The following FNTA variants were observed in gnomAD, a reference collection of about 807,000 sequenced individuals.
The protein encoded by FNTA is protein farnesyltransferase/geranylgeranyltransferase type-1 subunit alpha.
In FNTA, 27 loss-of-function variants were observed where a neutral mutation model predicts 55.2. That is an observed-to-expected ratio of 0.49 (90% CI 0.36 to 0.67). FNTA has a LOEUF of 0.67. Ranked by LOEUF, FNTA falls within the 30% of genes least tolerant of loss-of-function variation. The pLI is 0.00. For synonymous variants in FNTA, 176 were observed against 170.7 expected (o/e 1.03, Z -0.24); for missense variants, 422 against 464.7 (o/e 0.91, Z 0.85).
At chr8:43,068,503 T>G (rs1398735554) in intron 3 of FNTA, among the ~76,000 whole-genome samples, 3 of 152,216 alleles carry the variant, frequency 2.0e-5, no homozygotes, top group African/African-American at 7.2e-5. Flanking sequence ...TAGAAGTATT[T>G]TGTTAATGTT....
At chr8:43,084,059 A>AC (rs1202408129) in intron 7 of FNTA, among the ~76,000 whole-genome samples, 1 of 151,026 alleles carries the variant, frequency 6.6e-6, no homozygotes, top group Non-Finnish European at 1.5e-5. Flanking sequence ...GCGACAAGAG[A>AC]CCCTGTCTCA....
chr8:43,069,656 T>C lies in FNTA; in HGVS notation c.503T>C (p.Val168Ala). ...GAGGAGCAGCCCAAAAACTATCAAG[T>C]TTGGTAAGTTTGGAGTCTAGCTGTG... Reference protein sequence around the residue: ...IIEEQPKNYQVWHHRRVLVEW... With the variant: ...IIEEQPKNYQAWHHRRVLVEW... The change falls in exon 4 of 9, where the codon GTT becomes GCT. Residue 168 changes from valine (V) to alanine (A), a missense_variant. Physicochemically the swap from Val to Ala is moderately conservative, Grantham distance 64. Around this residue, in one of 2 missense-constraint regions of FNTA, gnomAD observed 262 missense variants for 343.1 expected, o/e 0.76. Transcript: ENST00000302279. The C allele has an allele frequency of 6.2e-7, 1 of 1,601,484 alleles. No individual in the cohort carries two copies. The highest frequency in any genetic ancestry group is 8.6e-7 in the Non-Finnish European group (1 of 1,169,472).
intron 6 of FNTA, chr8:43,081,126 T>A (rs950180931): frequency 1.3e-5 from 2 of 152,136 alleles, no homozygotes. Flanking sequence ...TTCTTTTTAT[T>A]ATAAAAGTAA....
At chr8:43,057,615 A>G (rs1408221153) in intron 1 of FNTA, among the ~76,000 whole-genome samples, 2 of 152,180 alleles carry the variant, frequency 1.3e-5, no homozygotes, top group East Asian at 3.9e-4. Flanking sequence ...TGCGCATTGG[A>G]TGCCACAGAA....
intron 2 of FNTA, chr8:43,063,435 G>A (rs1810582575): frequency 1.0e-5 from 4 of 390,932 alleles, no homozygotes; most frequent in African/African-American, 4.3e-5. Context: ...TCTAGAGCTG[G>A]AATTACTGGG....
intron 1 of FNTA, 129 bp downstream of exon 1, chr8:43,056,675 A>G (rs561379127): frequency 2.0e-6 from 1 of 508,582 alleles, no homozygotes; most frequent in Admixed American, 4.9e-5. Flanking sequence ...GGGCCGGTGC[A>G]TGGCGCTGGG....
At position 43,056,405 on chromosome 8, in the gene FNTA, C is replaced by T. The variant is rs775531295; in HGVS notation, c.59C>T (p.Ala20Val). The change falls in exon 1 of 9, where the codon GCG (alanine) becomes GTG (valine). Residue 20 changes from alanine (A) to valine (V), a missense_variant. Ala to Val is a moderately conservative substitution (Grantham distance 64, BLOSUM62 0). Around this residue, in one of 2 missense-constraint regions of FNTA, gnomAD observed 160 missense variants for 121.6 expected, o/e 1.32. Coordinates refer to ENST00000302279, the MANE Select transcript of FNTA (RefSeq NM_002027.3). Reference protein sequence around the residue: ...AAQGGEPGQPAQPPPQPHPPP... With the variant: ...AAQGGEPGQPVQPPPQPHPPP... ...CAAGGGGGCGAGCCCGGGCAGCCGG[C>T]GCAACCCCCGCCCCAGCCGCACCCA... 2.0e-6 allele frequency: 3 copies of T among 1,514,606 alleles called. No individual in the cohort carries two copies. The highest frequency in any genetic ancestry group is 2.6e-6 in the Non-Finnish European group (3 of 1,134,492). The allele number at this position is 1,514,606 out of a possible 1,614,324, so 93.8% of individuals were successfully genotyped here. A position where few individuals can be genotyped will look rare whatever the true frequency, so the allele number is the denominator to read the frequency against.
intron 5 of FNTA, among the ~76,000 whole-genome samples, chr8:43,076,055 T>G (rs1214079114): frequency 2.0e-5 from 3 of 151,784 alleles, no homozygotes. Flanking sequence ...ATTGTTTTTA[T>G]TTTTTGGAGA....
chr8:43,079,805 A>T (rs1367700957), intron 6 of FNTA: 1 of 152,482 alleles, frequency 6.6e-6, no homozygotes, highest in Non-Finnish European at 1.5e-5. Context: ...GCTATTAGGA[A>T]TATTCGTGAT....
intron 6 of FNTA, chr8:43,081,095 A>G (rs754020478): frequency 1.3e-5 from 2 of 152,194 alleles, no homozygotes; most frequent in East Asian, 1.9e-4. Context: ...ATAGATGTAC[A>G]TAATTATTTT....
rs79783100 is a variant in FNTA at position 43,084,190 on chromosome 8, A to T, written c.846-520A>T. Among the ~76,000 whole-genome samples the T allele has an allele frequency of 1.4e-3, 204 of 149,108 alleles. 7 individuals carry two copies. The East Asian group carries it at 0.037, about 27-fold the overall frequency. On this transcript the variant is annotated intron_variant, in intron 7 of 8. Coordinates refer to ENST00000302279, the MANE Select transcript of FNTA (RefSeq NM_002027.3). ...ACACTTTTAAACTTCATTTTTAAAA[A>T]CTTTTTCTACTTAGCTTGTAATTAT... is the stretch of plus-strand genomic sequence containing the variant.
At position 43,056,526 on chromosome 8, in the gene FNTA, G is replaced by C; in HGVS notation, c.180G>C (p.Ser60=). 1 of 1,555,750 alleles carries C rather than the reference G, an allele frequency of 6.4e-7. No individual in the cohort carries two copies. Among genetic ancestry groups the C allele is most frequent in the Non-Finnish European group, 8.7e-7 (1 of 1,154,558 alleles). Reference sequence around the variant, plus strand: ...ACGACGGGTTTGTGAGCCTGGACTCGCCCTCCTATGTCCTGTACAGGTAAC... The same window carrying C: ...ACGACGGGTTTGTGAGCCTGGACTCCCCCTCCTATGTCCTGTACAGGTAAC... ...PMDDGFVSLD[S]PSYVLYRDRA... The change falls in exon 1 of 9, where the codon TCG becomes TCC. Residue 60 remains serine, a synonymous_variant. Coordinates refer to ENST00000302279, the MANE Select transcript of FNTA (RefSeq NM_002027.3).
intron 6 of FNTA, chr8:43,078,646 C>T (rs1810961732): frequency 6.6e-6 from 1 of 152,252 alleles, no homozygotes; most frequent in African/African-American, 2.4e-5. Flanking sequence ...TCAGGCCTCC[C>T]TATTCCCTGA....
At chr8:43,071,816 T>C (rs1308409784) in intron 4 of FNTA, among the ~76,000 whole-genome samples, 1 of 152,166 alleles carries the variant, frequency 6.6e-6, no homozygotes, top group Non-Finnish European at 1.5e-5. Flanking sequence ...AAGCTGCTTG[T>C]TTGATGACAC....
At position 43,064,177 on chromosome 8, in the gene FNTA, G is replaced by C; in HGVS notation, c.363G>C (p.Arg121=). ...ERSERAFKLT[R]DAIELNAANY... is the part of the protein sequence containing the mutation. ...GTGAACGAGCTTTTAAGCTAACCCG[G>C]GATGCTATTGAGTTAAATGCAGCCA... is the stretch of plus-strand genomic sequence containing the variant. Residue 121 remains arginine (R), a synonymous_variant, in exon 3 of 9, where the codon CGG becomes CGC. Coordinates refer to ENST00000302279, the MANE Select transcript of FNTA (RefSeq NM_002027.3). The C allele has an allele frequency of 1.2e-6, 2 of 1,613,752 alleles. No homozygotes were observed. Among genetic ancestry groups the C allele is most frequent in the Non-Finnish European group, 1.7e-6 (2 of 1,179,690 alleles).
rs575378054 is a variant in FNTA, at chr8:43,072,730, T to A, written c.633+423T>A. The stretch of plus-strand genomic sequence containing the variant: ...CAGCAGAGTGAGACCCTATCTATTT[T>A]AAAAAAAAACAAACATTATTAACAT... On this transcript the variant is annotated intron_variant, in intron 5 of 8. Transcript: ENST00000302279. Among the ~76,000 whole-genome samples, 69 of 151,124 alleles carry A rather than the reference T, an allele frequency of 4.6e-4. No individual in the cohort carries two copies. The South Asian group carries it at 4.6e-3, about 10-fold the overall frequency.
chr8:43,062,179 G>GTC (rs1370323322), intron 2 of FNTA, among the ~76,000 whole-genome samples: 1 of 145,204 alleles, frequency 6.9e-6, no homozygotes, highest in African/African-American at 2.6e-5. Flanking sequence ...TTTTATGTGT[G>GTC]TGTGTGTGTG....
chr8:43,084,509 C>T, intron 7 of FNTA: 1 of 454,388 alleles, frequency 2.2e-6, no homozygotes, highest in Non-Finnish European at 3.9e-6. Flanking sequence ...TGAGCCACTG[C>T]ACCTGGCCAG....
rs780629671 is a variant in FNTA, at chr8:43,077,575, A to G, written c.782+211A>G. 3 of 358,708 alleles carry G rather than the reference A, an allele frequency of 8.4e-6. No homozygotes were observed. In the East Asian group the frequency reaches 1.2e-4, roughly 15 times the overall value. 22.2% of individuals were successfully genotyped at this position (358,708 alleles called of 1,614,324 possible). A position where few individuals can be genotyped will look rare whatever the true frequency, so the allele number is the denominator to read the frequency against. On this transcript the variant is annotated intron_variant, in intron 6 of 8. Coordinates refer to ENST00000302279, the MANE Select transcript of FNTA (RefSeq NM_002027.3). ...AAGTTTCTTGAAATATTGCTACTGG[A>G]GATTGGAAAGAAATCTTAATGTTAT...
Sources: allele counts gnomAD v4.1 joint callset (sites outside exome capture counted in the v4.1 genomes callset), GRCh38; gene constraint gnomAD v4.1.1; regional missense constraint gnomAD v4.1.1; transcripts MANE v1.5; gene names NCBI Gene and HGNC (gene_info 2026-07-23, HGNC 2026-07-21).